ZFAND3: variants seen among roughly 807,000 people sequenced by gnomAD.
The protein encoded by ZFAND3 is AN1-type zinc finger protein 3.
In ZFAND3, 10 loss-of-function variants were observed where a neutral mutation model predicts 29.6. That is an observed-to-expected ratio of 0.34 (90% CI 0.21 to 0.57). The LOEUF is 0.57. ZFAND3 is among the 20% of genes least tolerant of loss of function. The pLI is 0.86. For synonymous variants in ZFAND3, 128 were observed against 112.6 expected, an observed-to-expected ratio of 1.14 and a Z score of -0.87; for missense variants, 230 against 304.5, an observed-to-expected ratio of 0.76 and a Z score of 1.82.
chr6:38,153,014 A>G lies in ZFAND3; in HGVS notation c.*625A>G, dbSNP rs1389110324. On this transcript the variant is annotated 3_prime_UTR_variant, in exon 6 of 6. Transcript: ENST00000287218. ...TACCTGACTTGCTATGAAAAAACTC[A>G]TCACACAAGAAGAGAAACAGTAACC... 1 of 985,810 alleles carries G rather than the reference A, an allele frequency of 1.0e-6. No homozygotes were observed. Among genetic ancestry groups the G allele is most frequent in the Admixed American group, 6.1e-5 (1 of 16,272 alleles). 61.1% of individuals were successfully genotyped at this position (985,810 alleles called of 1,614,324 possible). A position where few individuals can be genotyped will look rare whatever the true frequency, so the allele number is the denominator to read the frequency against.
intron 2 of ZFAND3, among the ~76,000 whole-genome samples, chr6:37,979,921 G>A (rs766563605): frequency 6.6e-5 from 10 of 152,176 alleles, no homozygotes; most frequent in Non-Finnish European, 1.3e-4. Flanking sequence ...GAAAATGTGA[G>A]CCTTTGTTAA....
chr6:37,828,727 C>T (rs1266222309), intron 1 of ZFAND3, among the ~76,000 whole-genome samples: 1 of 151,942 alleles, frequency 6.6e-6, no homozygotes, highest in Non-Finnish European at 1.5e-5. Context: ...TGGCTCACTG[C>T]AACCTCTGCC....
At chr6:37,885,251 A>G (rs902607670) in intron 1 of ZFAND3, among the ~76,000 whole-genome samples, 4 of 152,214 alleles carry the variant, frequency 2.6e-5, no homozygotes, top group Non-Finnish European at 5.9e-5. Flanking sequence ...TGAGGTGACT[A>G]TAAAGAGCAA....
intron 1 of ZFAND3, among the ~76,000 whole-genome samples, chr6:37,886,742 C>T (rs978201254): frequency 2.0e-5 from 3 of 152,188 alleles, no homozygotes; most frequent in Non-Finnish European, 4.4e-5. Context: ...CGCCTGTAAT[C>T]CTGATACTTT....
At position 38,035,265 on chromosome 6, in the gene ZFAND3, A is replaced by G. The variant is rs542989486; in HGVS notation, c.113-26328A>G. Among the ~76,000 whole-genome samples the G allele has an allele frequency of 3.1e-3, 478 of 152,198 alleles. 3 individuals carry two copies. The highest frequency in any genetic ancestry group is 0.011 in the African/African-American group (454 of 41,526). ...TCACATGTGACATCCCGAATCTTCTATTATGTTTCTTTACTTTGCAGTCTC... is the reference window on the plus strand; with the variant it reads ...TCACATGTGACATCCCGAATCTTCTGTTATGTTTCTTTACTTTGCAGTCTC... On this transcript the variant is annotated intron_variant, in intron 2 of 5. Coordinates refer to ENST00000287218, the MANE Select transcript of ZFAND3 (RefSeq NM_021943.3).
intron 2 of ZFAND3, among the ~76,000 whole-genome samples, chr6:37,958,883 A>T (rs1232545334): frequency 6.6e-6 from 1 of 152,206 alleles, no homozygotes; most frequent in Non-Finnish European, 1.5e-5. Flanking sequence ...AAACTTTAAG[A>T]TGACTGGCCC....
At chr6:37,954,703 G>A (rs1409562294) in intron 2 of ZFAND3, among the ~76,000 whole-genome samples, 1 of 151,952 alleles carries the variant, frequency 6.6e-6, no homozygotes, top group Non-Finnish European at 1.5e-5. Context: ...GGATATTTTT[G>A]TATTCCTTAA....
At chr6:38,001,862 G>A (rs1424625054) in intron 2 of ZFAND3, among the ~76,000 whole-genome samples, 1 of 152,284 alleles carries the variant, frequency 6.6e-6, no homozygotes, top group Non-Finnish European at 1.5e-5. Context: ...GCACACAAGA[G>A]AATTGAGTTA....
chr6:38,107,646 A>G (rs1462979677), intron 4 of ZFAND3, among the ~76,000 whole-genome samples: 1 of 152,208 alleles, frequency 6.6e-6, no homozygotes, highest in East Asian at 1.9e-4. Context: ...AGCCTGGGCA[A>G]CATGGCAAAA....
At chr6:38,085,293 G>A (rs1014192106) in intron 4 of ZFAND3, among the ~76,000 whole-genome samples, 3 of 152,158 alleles carry the variant, frequency 2.0e-5, no homozygotes, top group African/African-American at 7.2e-5. Context: ...CTTTACAGTG[G>A]TGTCATTTCT....
At chr6:38,124,519 A>G (rs1298299206) in intron 5 of ZFAND3, among the ~76,000 whole-genome samples, 1 of 152,218 alleles carries the variant, frequency 6.6e-6, no homozygotes, top group African/African-American at 2.4e-5. Flanking sequence ...AATCGAGCGC[A>G]GTGCCGGTGG....
At chr6:37,894,932 C>T (rs1362337276) in intron 1 of ZFAND3, among the ~76,000 whole-genome samples, 1 of 152,052 alleles carries the variant, frequency 6.6e-6, no homozygotes, top group African/African-American at 2.4e-5. Context: ...AATAATTTGT[C>T]TTTATCACTG....
chr6:38,031,171 C>T (rs574716288), intron 2 of ZFAND3, among the ~76,000 whole-genome samples: 9 of 152,246 alleles, frequency 5.9e-5, no homozygotes, highest in African/African-American at 2.2e-4. Flanking sequence ...GTTTCTTCTC[C>T]GTTCTTGGTG....
chr6:38,013,821 TAA>T (rs1223699084), intron 2 of ZFAND3, among the ~76,000 whole-genome samples: 1 of 152,312 alleles, frequency 6.6e-6, no homozygotes, highest in African/African-American at 2.4e-5. Context: ...TCAGTATTTT[TAA>T]AAAAGACACC....
chr6:37,929,450 A>G (rs935980684), intron 1 of ZFAND3, among the ~76,000 whole-genome samples: 3 of 152,254 alleles, frequency 2.0e-5, no homozygotes, highest in Non-Finnish European at 4.4e-5. Flanking sequence ...CAAGAAGGTC[A>G]TAATGTGATT....
chr6:37,850,174 A>G (rs1224016747), intron 1 of ZFAND3, among the ~76,000 whole-genome samples: 1 of 152,218 alleles, frequency 6.6e-6, no homozygotes, highest in Non-Finnish European at 1.5e-5. Context: ...AATAAAACGT[A>G]GATGACTGAA....
intron 4 of ZFAND3, among the ~76,000 whole-genome samples, chr6:38,102,429 A>G (rs1333417697): frequency 1.3e-5 from 2 of 152,200 alleles, no homozygotes; most frequent in Non-Finnish European, 1.5e-5. Flanking sequence ...CCTCACCCCT[A>G]CACTCAGTGT....
intron 1 of ZFAND3, among the ~76,000 whole-genome samples, chr6:37,886,007 G>A (rs1352363940): frequency 6.6e-6 from 1 of 151,994 alleles, no homozygotes; most frequent in Non-Finnish European, 1.5e-5. Context: ...GGAAGCTGAG[G>A]TGGGTGGATC....
intron 2 of ZFAND3, among the ~76,000 whole-genome samples, chr6:38,049,763 G>GAA (rs1226529323): frequency 2.0e-5 from 3 of 152,004 alleles, no homozygotes; most frequent in African/African-American, 7.3e-5. Context: ...GATGTAAGAA[G>GAA]AAAGTGTTAG....
Sources: allele counts gnomAD v4.1 joint callset (sites outside exome capture counted in the v4.1 genomes callset), GRCh38; gene constraint gnomAD v4.1.1; transcripts MANE v1.5; gene names NCBI Gene and HGNC (gene_info 2026-07-23, HGNC 2026-07-21).